BRINP3: variants seen among roughly 807,000 people sequenced by gnomAD.
The protein encoded by BRINP3 is BMP/retinoic acid-inducible neural-specific protein 3.
Under a neutral mutation model 71.0 loss-of-function variants are expected in BRINP3, and 19 were observed. The ratio of observed to expected loss-of-function variants is 0.27; its 90% CI spans 0.19 to 0.39. BRINP3 has a LOEUF of 0.39. Ranked by LOEUF, BRINP3 falls within the 10% of genes least tolerant of loss-of-function variation. BRINP3 has a pLI of 1.00. For missense variants in BRINP3, 959 were observed against 940.8 expected (o/e 1.02, Z -0.25); for synonymous variants, 380 against 337.7 (o/e 1.13, Z -1.37).
Position 190,429,710 on chromosome 1 carries a change from A to G in BRINP3, c.236+24945T>C, listed in dbSNP as rs559369535. 2.9e-4 allele frequency among the ~76,000 whole-genome samples: 44 copies of G among 150,356 alleles called. 1 individual carries two copies. The South Asian group carries it at 7.2e-3, about 24-fold the overall frequency. On this transcript the variant is annotated intron_variant, in intron 2 of 7. Transcript: ENST00000367462. ...GGTTCAAACGATTCTCCTGCCTCAG[A>G]CTCCCAAGTAGCTGGGATTACAGGA...
chr1:190,132,122 A>G (rs1292397875), intron 7 of BRINP3, among the ~76,000 whole-genome samples: 1 of 152,064 alleles, frequency 6.6e-6, no homozygotes, highest in Admixed American at 6.6e-5. Flanking sequence ...AAATTTGCCA[A>G]TGACCTTTAA....
intron 7 of BRINP3, among the ~76,000 whole-genome samples, chr1:190,160,460 A>T (rs753572153): frequency 5.3e-5 from 8 of 151,974 alleles, no homozygotes; most frequent in Non-Finnish European, 8.8e-5. Context: ...AAAAGAAATA[A>T]GTGCTAGTAT....
chr1:190,154,204 T>A, intron 7 of BRINP3: 1 of 267,038 alleles, frequency 3.7e-6, no homozygotes, highest in Non-Finnish European at 5.8e-6. Flanking sequence ...TATACATGTA[T>A]CCACCTTAGG....
chr1:190,285,775 G>T (rs1467504651), intron 2 of BRINP3, among the ~76,000 whole-genome samples: 1 of 151,612 alleles, frequency 6.6e-6, no homozygotes, highest in Non-Finnish European at 1.5e-5. Context: ...GTTACAACTA[G>T]ATCATGCATT....
At chr1:190,345,790 A>T (rs1384431948) in intron 2 of BRINP3, among the ~76,000 whole-genome samples, 6 of 151,508 alleles carry the variant, frequency 4.0e-5, no homozygotes. Flanking sequence ...AATAGTAAAC[A>T]GTGGAAAGAC....
At chr1:190,227,022 A>G (rs1202957900) in intron 5 of BRINP3, among the ~76,000 whole-genome samples, 2 of 151,866 alleles carry the variant, frequency 1.3e-5, no homozygotes, top group African/African-American at 4.8e-5. Context: ...TAAAATTAAG[A>G]TTTGGGCTTT....
At chr1:190,331,029 C>T (rs1280061366) in intron 2 of BRINP3, among the ~76,000 whole-genome samples, 4 of 151,616 alleles carry the variant, frequency 2.6e-5, no homozygotes, top group South Asian at 2.1e-4. Context: ...CACTAGCATC[C>T]GAACTTCAGC....
chr1:190,149,871 C>T (rs1313419402), intron 7 of BRINP3, among the ~76,000 whole-genome samples: 1 of 152,056 alleles, frequency 6.6e-6, no homozygotes, highest in African/African-American at 2.4e-5. Flanking sequence ...GCAAACTGAC[C>T]TTCATTTTCT....
chr1:190,312,075 A>ATATATATATG (rs1328430258), intron 2 of BRINP3, among the ~76,000 whole-genome samples: 6 of 136,534 alleles, frequency 4.4e-5, no homozygotes, highest in African/African-American at 1.4e-4. Flanking sequence ...ATATATATAT[A>ATATATATATG]TGTATTTCTA....
At chr1:190,469,817 G>C (rs954142572) in intron 1 of BRINP3, among the ~76,000 whole-genome samples, 1 of 150,848 alleles carries the variant, frequency 6.6e-6, no homozygotes, top group South Asian at 2.1e-4. Context: ...ATATGCATAA[G>C]GTATTATATA....
intron 4 of BRINP3, among the ~76,000 whole-genome samples, chr1:190,248,326 T>A (rs1042533444): frequency 1.3e-5 from 2 of 151,774 alleles, no homozygotes; most frequent in African/African-American, 4.8e-5. Context: ...TAATTTAATC[T>A]AATTGCACAT....
chr1:190,326,789 G>T lies in BRINP3; in HGVS notation c.237-45039C>A, dbSNP rs116923400. ...TTACTATTAAACCCATCTTACAAGA[G>T]ATACTTCAAGGAGTACCAAACATGT... On this transcript the variant is annotated intron_variant, in intron 2 of 7. Coordinates refer to ENST00000367462, the MANE Select transcript of BRINP3 (RefSeq NM_199051.3). 5.1e-4 allele frequency among the ~76,000 whole-genome samples: 78 copies of T among 152,066 alleles called. 1 individual carries two copies. The East Asian group carries it at 0.015, about 28-fold the overall frequency.
chr1:190,252,928 C>A (rs2102822159), intron 4 of BRINP3, among the ~76,000 whole-genome samples: 1 of 152,084 alleles, frequency 6.6e-6, no homozygotes, highest in African/African-American at 2.4e-5. Context: ...CTATCCCTCC[C>A]CCTGTCCCAC....
chr1:190,382,878 G>A (rs770199327), intron 2 of BRINP3, among the ~76,000 whole-genome samples: 14 of 152,046 alleles, frequency 9.2e-5, no homozygotes, highest in African/African-American at 1.9e-4. Context: ...AAACCAATCC[G>A]GGAAGAGCAA....
intron 2 of BRINP3, among the ~76,000 whole-genome samples, chr1:190,453,677 A>G (rs181667560): frequency 4.2e-4 from 64 of 152,286 alleles, no homozygotes; most frequent in Non-Finnish European, 7.5e-4. Flanking sequence ...GTCTTCTGTA[A>G]ATATACATTG....
At chr1:190,284,509 CTTAG>C (rs1238764402) in intron 2 of BRINP3, among the ~76,000 whole-genome samples, 4 of 151,912 alleles carry the variant, frequency 2.6e-5, no homozygotes, top group Non-Finnish European at 4.4e-5. Flanking sequence ...TGTATAGTAG[CTTAG>C]TTAGCCCAAC....
chr1:190,228,129 C>T (rs1459915477), intron 5 of BRINP3, among the ~76,000 whole-genome samples: 2 of 151,648 alleles, frequency 1.3e-5, no homozygotes, highest in Non-Finnish European at 2.9e-5. Flanking sequence ...TACTTAGAGG[C>T]ATAAAATGAT....
At chr1:190,349,594 AG>A (rs1317846222) in intron 2 of BRINP3, among the ~76,000 whole-genome samples, 3 of 152,120 alleles carry the variant, frequency 2.0e-5, no homozygotes, top group African/African-American at 7.2e-5. Flanking sequence ...AGAATGTAGT[AG>A]GATCATTGTT....
intron 2 of BRINP3, among the ~76,000 whole-genome samples, chr1:190,354,864 A>T (rs1428908325): frequency 1.3e-5 from 2 of 151,026 alleles, no homozygotes; most frequent in African/African-American, 4.9e-5. Context: ...TTGATCCTGT[A>T]TACCTCTATT....
Sources: allele counts gnomAD v4.1 joint callset (sites outside exome capture counted in the v4.1 genomes callset), GRCh38; gene constraint gnomAD v4.1.1; transcripts MANE v1.5; gene names NCBI Gene and HGNC (gene_info 2026-07-23, HGNC 2026-07-21).